BRINP3: variants seen among roughly 807,000 people sequenced by gnomAD.
BRINP3 encodes BMP/retinoic acid inducible neural specific 3.
In BRINP3, 19 loss-of-function variants were observed where a neutral mutation model predicts 71.0. The observed-to-expected ratio is 0.27, with a 90% CI of 0.19 to 0.39. The LOEUF is 0.39. Among genes scored for constraint, BRINP3 ranks in the 10% least tolerant of loss-of-function variants. BRINP3 has a pLI of 1.00. For synonymous variants in BRINP3, 380 were observed against 337.7 expected (o/e 1.13, Z -1.37); for missense variants, 959 against 940.8 (o/e 1.02, Z -0.25).
At chr1:190,162,294 C>T (rs1311213038) in intron 6 of BRINP3, among the ~76,000 whole-genome samples, 1 of 151,732 alleles carries the variant, frequency 6.6e-6, no homozygotes, top group Non-Finnish European at 1.5e-5. Flanking sequence ...AGCAATTCTC[C>T]TGCCTCAGCC....
intron 2 of BRINP3, among the ~76,000 whole-genome samples, chr1:190,410,385 G>A (rs7527690): frequency 0.16 from 23,875 of 151,882 alleles, 2,008 homozygotes; most frequent in Middle Eastern, 0.21. Flanking sequence ...TTTGGTAGAG[G>A]AAATTAAGTG....
chr1:190,398,265 G>C (rs1671706798), intron 2 of BRINP3, among the ~76,000 whole-genome samples: 1 of 151,834 alleles, frequency 6.6e-6, no homozygotes, highest in African/African-American at 2.4e-5. Context: ...AAGATCATAA[G>C]TATATTTAAA....
intron 2 of BRINP3, among the ~76,000 whole-genome samples, chr1:190,325,414 A>G (rs10920695): frequency 0.016 from 2,381 of 152,120 alleles, 59 homozygotes; most frequent in African/African-American, 0.054. Flanking sequence ...ATACATTGAA[A>G]AATGATAAAA....
intron 1 of BRINP3, among the ~76,000 whole-genome samples, chr1:190,456,059 C>A (rs1675963671): frequency 6.6e-6 from 1 of 151,990 alleles, no homozygotes; most frequent in South Asian, 2.1e-4. Flanking sequence ...AGCAAAACAT[C>A]TTTAGAAAAA....
chr1:190,468,902 G>GT (rs981385143), intron 1 of BRINP3, among the ~76,000 whole-genome samples: 1 of 150,344 alleles, frequency 6.7e-6, no homozygotes, highest in Non-Finnish European at 1.5e-5. Flanking sequence ...TAGGTATGAA[G>GT]TTTAAGTTTC....
At chr1:190,286,999 A>G (rs1260541858) in intron 2 of BRINP3, among the ~76,000 whole-genome samples, 1 of 151,678 alleles carries the variant, frequency 6.6e-6, no homozygotes, top group African/African-American at 2.4e-5. Flanking sequence ...CGGACGGATC[A>G]CTTCAGGTCA....
chr1:190,321,340 CCTAA>C (rs1666224885), intron 2 of BRINP3, among the ~76,000 whole-genome samples: 1 of 152,004 alleles, frequency 6.6e-6, no homozygotes, highest in African/African-American at 2.4e-5. Flanking sequence ...TCATATACCT[CCTAA>C]AGTACCATTC....
intron 2 of BRINP3, among the ~76,000 whole-genome samples, chr1:190,419,517 A>G (rs1673223642): frequency 6.6e-6 from 1 of 152,040 alleles, no homozygotes; most frequent in African/African-American, 2.4e-5. Context: ...TGTATATTGT[A>G]TAATGAATAG....
chr1:190,213,224 G>C (rs1409349531), intron 6 of BRINP3, among the ~76,000 whole-genome samples: 2 of 152,020 alleles, frequency 1.3e-5, no homozygotes, highest in African/African-American at 4.8e-5. Context: ...AGTATGGCAA[G>C]GTATTGCACT....
intron 2 of BRINP3, among the ~76,000 whole-genome samples, chr1:190,303,235 A>G (rs1472825889): frequency 6.6e-6 from 1 of 151,858 alleles, no homozygotes; most frequent in African/African-American, 2.4e-5. Flanking sequence ...TAATGCTTTG[A>G]TATCAATGTA....
At chr1:190,442,305 TA>T (rs1674876795) in intron 2 of BRINP3, among the ~76,000 whole-genome samples, 1 of 152,204 alleles carries the variant, frequency 6.6e-6, no homozygotes, top group Non-Finnish European at 1.5e-5. Context: ...TGTGTGTCTT[TA>T]AGATAAGACC....
chr1:190,384,394 T>C (rs912661990), intron 2 of BRINP3, among the ~76,000 whole-genome samples: 7 of 151,880 alleles, frequency 4.6e-5, no homozygotes, highest in African/African-American at 1.7e-4. Flanking sequence ...TGAAAACTGA[T>C]CTATATCAAT....
chr1:190,141,555 C>CTTT (rs35090212), intron 7 of BRINP3, among the ~76,000 whole-genome samples: 221 of 82,388 alleles, frequency 2.7e-3, no homozygotes, highest in Non-Finnish European at 3.2e-3. Context: ...TCTTTCTTTC[C>CTTT]TTTTTTTTTT....
At position 190,160,831 on chromosome 1, in the gene BRINP3, T is replaced by C. The variant is rs781605000; in HGVS notation, c.1021A>G (p.Ile341Val). ...GAATCCATTGTCCACAAATGCATTA[T>C]AGTAGATGTGTTGAGGAAATAATTC... ...PMNYFLNTST[I>V]MHLWTMDSNF... The change falls in exon 7 of 8, where the codon ATA becomes GTA. Residue 341 changes from isoleucine to valine, a missense_variant. Ile to Val is a conservative substitution (Grantham distance 29, BLOSUM62 3). Coordinates refer to ENST00000367462, the MANE Select transcript of BRINP3 (RefSeq NM_199051.3). 1.1e-5 allele frequency: 18 copies of C among 1,613,376 alleles called. No individual in the cohort carries two copies. Among genetic ancestry groups the C allele is most frequent in the East Asian group, 2.2e-5 (1 of 44,828 alleles).
At chr1:190,172,822 G>A (rs1450320046) in intron 6 of BRINP3, among the ~76,000 whole-genome samples, 1 of 152,080 alleles carries the variant, frequency 6.6e-6, no homozygotes, top group African/African-American at 2.4e-5. Flanking sequence ...TGGCTCCCAC[G>A]AACAGATACA....
At chr1:190,248,020 C>A (rs753266085) in intron 4 of BRINP3, among the ~76,000 whole-genome samples, 1 of 151,830 alleles carries the variant, frequency 6.6e-6, no homozygotes, top group Non-Finnish European at 1.5e-5. Context: ...TCTGATTCAG[C>A]AAATGCTATG....
chr1:190,454,391 T>G (rs1189213024), intron 2 of BRINP3, among the ~76,000 whole-genome samples: 1 of 152,200 alleles, frequency 6.6e-6, no homozygotes, highest in Admixed American at 6.5e-5. Flanking sequence ...GGCTTCCAAA[T>G]ACATTGCCAT....
chr1:190,206,282 G>C (rs1406965067), intron 6 of BRINP3, among the ~76,000 whole-genome samples: 1 of 151,982 alleles, frequency 6.6e-6, no homozygotes, highest in Non-Finnish European at 1.5e-5. Context: ...GGAAATGCTT[G>C]AGTAGTTTAT....
chr1:190,301,234 T>TATATAC lies in BRINP3; in HGVS notation c.237-19485_237-19484insGTATAT, dbSNP rs1268377492. 1.7e-3 allele frequency among the ~76,000 whole-genome samples: 214 copies of TATATAC among 123,390 alleles called. 2 individuals carry two copies. Among genetic ancestry groups the TATATAC allele is most frequent in the Non-Finnish European group, 2.2e-3 (132 of 60,624 alleles). 80.9% of individuals were successfully genotyped at this position (123,390 alleles called of 152,430 possible). A position where few individuals can be genotyped will look rare whatever the true frequency, so the allele number is the denominator to read the frequency against. ...ATATATATATATATATATATATATA[T>TATATAC]ACACACATACATATATATATATATC... On this transcript the variant is annotated intron_variant, in intron 2 of 7. Transcript: ENST00000367462.
Sources: gnomAD v4.1 joint callset for allele counts (sites outside exome capture counted in the v4.1 genomes callset) on GRCh38, gnomAD v4.1.1 for gene constraint, MANE v1.5 for transcripts, NCBI Gene and HGNC (gene_info 2026-07-23, HGNC 2026-07-21) for gene names.